DLG2: variants seen among roughly 807,000 people sequenced by gnomAD.
DLG2 encodes discs large MAGUK scaffold protein 2.
In DLG2, 45 loss-of-function variants were observed where a neutral mutation model predicts 132.5. The observed-to-expected ratio is 0.34, with a 90% CI of 0.27 to 0.44. The LOEUF (loss-of-function observed/expected upper bound fraction) is 0.44, where lower values mean the gene tolerates loss of function less well. Ranked by LOEUF, DLG2 falls within the 20% of genes least tolerant of loss-of-function variation. The pLI is 1.00. For synonymous variants in DLG2, 424 were observed against 419.6 expected (o/e 1.01, Z -0.13); for missense variants, 1,045 against 1,196.9 (o/e 0.87, Z 1.87).
intron 3 of DLG2, among the ~76,000 whole-genome samples, chr11:85,336,810 A>G (rs146529782): frequency 3.9e-4 from 59 of 152,302 alleles, no homozygotes; most frequent in African/African-American, 1.3e-3. Flanking sequence ...CTTTCACTTC[A>G]TTAGTATTCT....
intron 21 of DLG2, among the ~76,000 whole-genome samples, chr11:83,485,317 CA>C (rs978106536): frequency 6.6e-6 from 1 of 152,112 alleles, no homozygotes; most frequent in African/African-American, 2.4e-5. Context: ...TGTTCTTATG[CA>C]AATGTTTTGT....
At chr11:85,194,019 AG>A (rs2080841723) in intron 4 of DLG2, among the ~76,000 whole-genome samples, 1 of 152,246 alleles carries the variant, frequency 6.6e-6, no homozygotes, top group Admixed American at 6.5e-5. Flanking sequence ...ACTGGCCCCC[AG>A]GGCAGAATGC....
chr11:85,158,669 G>C (rs2077781189), intron 4 of DLG2, among the ~76,000 whole-genome samples: 1 of 152,164 alleles, frequency 6.6e-6, no homozygotes, highest in South Asian at 2.1e-4. Flanking sequence ...GGGATCCCGA[G>C]GTGGCAGGGG....
intron 9 of DLG2, among the ~76,000 whole-genome samples, chr11:84,148,157 TA>T (rs151134528): frequency 1.8e-4 from 28 of 152,142 alleles, no homozygotes; most frequent in East Asian, 3.9e-4. Flanking sequence ...TGTTTTATAA[TA>T]AAAAAAATCT....
At chr11:83,681,333 T>C (rs2078764902) in intron 18 of DLG2, among the ~76,000 whole-genome samples, 1 of 152,146 alleles carries the variant, frequency 6.6e-6, no homozygotes, top group South Asian at 2.1e-4. Flanking sequence ...GCATCCCGCC[T>C]GGAGCTAGGA....
intron 5 of DLG2, among the ~76,000 whole-genome samples, chr11:85,144,932 T>C (rs1164877401): frequency 6.6e-6 from 1 of 152,092 alleles, no homozygotes; most frequent in African/African-American, 2.4e-5. Flanking sequence ...TACCTTCAGA[T>C]TTCTTATTGT....
intron 6 of DLG2, among the ~76,000 whole-genome samples, chr11:84,598,667 T>G (rs1290446914): frequency 1.3e-5 from 2 of 152,032 alleles, no homozygotes; most frequent in Non-Finnish European, 2.9e-5. Flanking sequence ...GACTCATGCC[T>G]GTAATCCCAG....
intron 11 of DLG2, among the ~76,000 whole-genome samples, chr11:83,999,376 G>A (rs1271713380): frequency 6.6e-6 from 1 of 152,112 alleles, no homozygotes; most frequent in African/African-American, 2.4e-5. Flanking sequence ...GGCTAGCCCA[G>A]CCCATCACAG....
intron 3 of DLG2, among the ~76,000 whole-genome samples, chr11:85,349,534 T>A (rs1392483299): frequency 6.6e-6 from 1 of 152,080 alleles, no homozygotes; most frequent in African/African-American, 2.4e-5. Flanking sequence ...TTACATTAGG[T>A]ATTTCTCCTA....
chr11:84,137,151 T>C (rs1046449769), intron 9 of DLG2, among the ~76,000 whole-genome samples: 1 of 152,058 alleles, frequency 6.6e-6, no homozygotes, highest in African/African-American at 2.4e-5. Context: ...AGCCAGAAAA[T>C]TCTGTGGTGG....
intron 9 of DLG2, among the ~76,000 whole-genome samples, chr11:84,118,290 C>G (rs888781520): frequency 6.6e-6 from 1 of 152,208 alleles, no homozygotes; most frequent in Admixed American, 6.5e-5. Context: ...CAGCCTCCTG[C>G]TGCATCAAAT....
chr11:83,640,920 CAG>C (rs1315612094), intron 18 of DLG2, among the ~76,000 whole-genome samples: 2 of 152,098 alleles, frequency 1.3e-5, no homozygotes, highest in Admixed American at 6.5e-5. Context: ...ACCTTGGAAT[CAG>C]AGTTTCTGGA....
chr11:85,036,547 AT>A (rs1264337679), intron 6 of DLG2, among the ~76,000 whole-genome samples: 1 of 152,246 alleles, frequency 6.6e-6, no homozygotes, highest in African/African-American at 2.4e-5. Flanking sequence ...TAGAAATAAA[AT>A]GTTTCTATAG....
intron 6 of DLG2, among the ~76,000 whole-genome samples, chr11:84,872,207 C>T (rs2085577308): frequency 6.6e-6 from 1 of 152,178 alleles, no homozygotes; most frequent in African/African-American, 2.4e-5. Flanking sequence ...TTTGCTTTCT[C>T]AGGAATGGAA....
At chr11:84,884,692 C>T (rs1440657626) in intron 6 of DLG2, among the ~76,000 whole-genome samples, 1 of 151,860 alleles carries the variant, frequency 6.6e-6, no homozygotes, top group Non-Finnish European at 1.5e-5. Flanking sequence ...TGATCTCAAC[C>T]ACTAGTATAT....
At chr11:83,502,468 C>CTCTG (rs386374343) in intron 21 of DLG2, among the ~76,000 whole-genome samples, 2 of 151,712 alleles carry the variant, frequency 1.3e-5, no homozygotes, top group Admixed American at 6.6e-5. Context: ...AAAATATAAT[C>CTCTG]TCTATTTTTT....
At chr11:84,748,747 A>T (rs922714023) in intron 6 of DLG2, among the ~76,000 whole-genome samples, 3 of 152,176 alleles carry the variant, frequency 2.0e-5, no homozygotes, top group African/African-American at 7.2e-5. Context: ...ATTTGGCTGC[A>T]GGGTCTTCTG....
chr11:85,351,112 A>C (rs2083256775), intron 3 of DLG2, among the ~76,000 whole-genome samples: 1 of 152,152 alleles, frequency 6.6e-6, no homozygotes, highest in African/African-American at 2.4e-5. Flanking sequence ...TTCTCCTTGA[A>C]GAGGTCCTTC....
chr11:85,546,766 G>C (rs2076352755), intron 3 of DLG2, among the ~76,000 whole-genome samples: 1 of 9,212 alleles, frequency 1.1e-4, no homozygotes, highest in African/African-American at 4.9e-4. Context: ...TGTCTCTTTT[G>C]ATCTTTGTTG....
Sources: allele counts gnomAD v4.1 joint callset (sites outside exome capture counted in the v4.1 genomes callset), GRCh38; gene constraint gnomAD v4.1.1; transcripts MANE v1.5; gene names NCBI Gene and HGNC (gene_info 2026-07-23, HGNC 2026-07-21).